CDH6: variants seen among roughly 807,000 people sequenced by gnomAD.
CDH6 encodes the protein cadherin 6.
Under a neutral mutation model 78.0 loss-of-function variants are expected in CDH6, and 31 were observed. The ratio of observed to expected loss-of-function variants is 0.40; its 90% CI spans 0.30 to 0.54. The LOEUF is 0.54. Among genes scored for constraint, CDH6 ranks in the 20% least tolerant of loss-of-function variants. CDH6 has a pLI of 0.56. For missense variants in CDH6, 724 were observed against 975.9 expected, an observed-to-expected ratio of 0.74 and a Z score of 3.44; for synonymous variants, 376 against 368.8, an observed-to-expected ratio of 1.02 and a Z score of -0.23.
At chr5:31,242,070 T>C (rs574057386) in intron 1 of CDH6, among the ~76,000 whole-genome samples, 1 of 152,182 alleles carries the variant, frequency 6.6e-6, no homozygotes, top group African/African-American at 2.4e-5. Context: ...TTTGGCCCAG[T>C]AGCCTGCAGA....
In CDH6 at chr5:31,325,775, C is replaced by A. The variant is rs184117585; in HGVS notation, c.*2467C>A. ...TTAATATGATTACTTATGGAAATAA[C>A]TTTAATCTCTTATCATAAAAGCTGA... On this transcript the variant is annotated 3_prime_UTR_variant, in exon 12 of 12. Coordinates refer to ENST00000265071, the MANE Select transcript of CDH6 (RefSeq NM_004932.4). The A allele has an allele frequency of 5.6e-5, 13 of 230,974 alleles. No individual in the cohort carries two copies. The East Asian group carries it at 8.0e-4, about 14-fold the overall frequency. The allele number at this position is 230,974 out of a possible 1,614,324, so 14.3% of individuals were successfully genotyped here. A position where few individuals can be genotyped will look rare whatever the true frequency, so the allele number is the denominator to read the frequency against.
chr5:31,237,202 G>A (rs1412921857), intron 1 of CDH6, among the ~76,000 whole-genome samples: 4 of 152,126 alleles, frequency 2.6e-5, no homozygotes, highest in African/African-American at 9.6e-5. Flanking sequence ...GGAAAAGAAT[G>A]AATCAGCCAC....
Position 31,317,774 on chromosome 5 carries a change from C to A in CDH6, c.1732C>A (p.Gln578Lys). Residue 578 changes from glutamine to lysine, a missense_variant, in exon 11 of 12, where the codon CAA becomes AAA. By Grantham distance (53) the Gln-to-Lys change is moderately conservative (BLOSUM62 1). Transcript: ENST00000265071. ...CATTTCAGACAACGACTACCCAGTT[C>A]AAAGCAGCACTGGGACAGTGACTGT... ...VVISDNDYPV[Q>K]SSTGTVTVRV... 1 of 1,614,174 alleles carries A rather than the reference C, an allele frequency of 6.2e-7. No individual in the cohort carries two copies. The highest frequency in any genetic ancestry group is 8.5e-7 in the Non-Finnish European group (1 of 1,180,038).
intron 1 of CDH6, chr5:31,249,645 C>T (rs1741855956): frequency 6.6e-6 from 1 of 152,232 alleles, no homozygotes; most frequent in Non-Finnish European, 1.5e-5. Flanking sequence ...AACCACCTAG[C>T]AGCATCTGTA....
chr5:31,265,217 T>G (rs1239772251), intron 1 of CDH6, among the ~76,000 whole-genome samples: 1 of 152,250 alleles, frequency 6.6e-6, no homozygotes, highest in Non-Finnish European at 1.5e-5. Flanking sequence ...CCATATGCAC[T>G]CTCAGTCCCT....
intron 1 of CDH6, among the ~76,000 whole-genome samples, chr5:31,208,232 G>A (rs757803292): frequency 2.0e-5 from 3 of 152,208 alleles, no homozygotes; most frequent in Admixed American, 2.0e-4. Flanking sequence ...GGCTACGAGG[G>A]GCTTTATGCC....
intron 3 of CDH6, among the ~76,000 whole-genome samples, chr5:31,295,411 C>T (rs1396705342): frequency 1.3e-5 from 2 of 152,116 alleles, no homozygotes; most frequent in African/African-American, 4.8e-5. Context: ...GCAACTGTAA[C>T]CAGCTATGCA....
At chr5:31,299,731 G>A (rs1737709457) in intron 5 of CDH6, 100 bp downstream of exon 5, 1 of 1,015,946 alleles carries the variant, frequency 9.8e-7, no homozygotes. Context: ...GTCAAAGTTA[G>A]TGGACTTAAG....
intron 11 of CDH6, among the ~76,000 whole-genome samples, chr5:31,319,731 T>C (rs752436156): frequency 6.6e-6 from 1 of 152,134 alleles, no homozygotes; most frequent in South Asian, 2.1e-4. Context: ...CACATTGATA[T>C]AGGAAGAAAT....
intron 2 of CDH6, among the ~76,000 whole-genome samples, chr5:31,279,956 G>A (rs1329661809): frequency 6.6e-6 from 1 of 152,170 alleles, no homozygotes; most frequent in Non-Finnish European, 1.5e-5. Flanking sequence ...GCCTCTTAAA[G>A]GAAAATAGAG....
Position 31,326,898 on chromosome 5 carries a change from G to T in CDH6, c.*3590G>T, listed in dbSNP as rs1738637694. 1 of 158,234 alleles carries T rather than the reference G, an allele frequency of 6.3e-6. No homozygotes were observed. Among genetic ancestry groups the T allele is most frequent in the Non-Finnish European group, 1.4e-5 (1 of 71,786 alleles). The allele number at this position is 158,234 out of a possible 1,614,324, so 9.8% of individuals were successfully genotyped here. ...TTTAGTGGAGACAGGGTTTCACCAT[G>T]TTAGCCAGGATGATCTCCATCTCCT... is the stretch of plus-strand genomic sequence containing the variant. On this transcript the variant is annotated 3_prime_UTR_variant, in exon 12 of 12. Transcript: ENST00000265071.
chr5:31,252,303 C>G (rs1376299198), intron 1 of CDH6, among the ~76,000 whole-genome samples: 3 of 138,776 alleles, frequency 2.2e-5, no homozygotes, highest in Admixed American at 2.2e-4. Flanking sequence ...TGACAGAATA[C>G]TTTTAAGGTG....
At chr5:31,244,102 AT>A (rs1455167852) in intron 1 of CDH6, among the ~76,000 whole-genome samples, 6 of 152,188 alleles carry the variant, frequency 3.9e-5, no homozygotes, top group Non-Finnish European at 8.8e-5. Flanking sequence ...ATGTTTATAT[AT>A]TTTTAATTGT....
chr5:31,328,041 A>G lies in CDH6; in HGVS notation c.*4733A>G. The G allele has an allele frequency of 4.6e-6, 1 of 218,264 alleles. No individual in the cohort carries two copies. The highest frequency in any genetic ancestry group is 9.2e-6 in the Non-Finnish European group (1 of 108,586). The allele number at this position is 218,264 out of a possible 1,614,324, so 13.5% of individuals were successfully genotyped here. Reference sequence around the variant, plus strand: ...GTTAGCCCAACAGAGCCGGCAGATGAAAGTGTTGAAAAGAGGTCAAATGGA... The same window carrying G: ...GTTAGCCCAACAGAGCCGGCAGATGGAAGTGTTGAAAAGAGGTCAAATGGA... On this transcript the variant is annotated 3_prime_UTR_variant, in exon 12 of 12. Coordinates refer to ENST00000265071, the MANE Select transcript of CDH6 (RefSeq NM_004932.4).
chr5:31,273,036 A>G (rs141755363), intron 2 of CDH6, among the ~76,000 whole-genome samples: 1 of 152,324 alleles, frequency 6.6e-6, no homozygotes, highest in Admixed American at 6.5e-5. Context: ...ACTCTTCTCA[A>G]GATAATTAAA....
At chr5:31,202,163 A>C (rs987821668) in intron 1 of CDH6, among the ~76,000 whole-genome samples, 2 of 152,138 alleles carry the variant, frequency 1.3e-5, no homozygotes, top group Non-Finnish European at 2.9e-5. Flanking sequence ...ATTTACTAAC[A>C]TGTTGGTCTG....
intron 1 of CDH6, among the ~76,000 whole-genome samples, chr5:31,261,077 T>A (rs1742199247): frequency 6.6e-6 from 1 of 152,198 alleles, no homozygotes; most frequent in African/African-American, 2.4e-5. Context: ...TCTCTCAGAA[T>A]AAATACCATA....
At chr5:31,317,573 A>T (rs1229685141) in intron 10 of CDH6, 81 bp downstream of exon 10, 3 of 1,523,894 alleles carry the variant, frequency 2.0e-6, no homozygotes, top group South Asian at 2.4e-5. Flanking sequence ...GTATATGTAT[A>T]TGTACATATC....
chr5:31,260,303 CGTT>C (rs1367372814), intron 1 of CDH6, among the ~76,000 whole-genome samples: 8 of 152,286 alleles, frequency 5.3e-5, no homozygotes, highest in African/African-American at 1.9e-4. Flanking sequence ...GTCCAGCCAG[CGTT>C]GTGCGGGGCT....
Sources: allele counts gnomAD v4.1 joint callset (sites outside exome capture counted in the v4.1 genomes callset), GRCh38; gene constraint gnomAD v4.1.1; transcripts MANE v1.5; gene names NCBI Gene and HGNC (gene_info 2026-07-23, HGNC 2026-07-21).